The following SLC4A10 variants were observed in gnomAD, a reference collection of about 807,000 sequenced individuals.
The protein encoded by SLC4A10 is solute carrier family 4 member 10, also known as sodium-driven chloride bicarbonate exchanger.
Under a neutral mutation model 137.7 loss-of-function variants are expected in SLC4A10, and 42 were observed. That is an observed-to-expected ratio of 0.30 (90% CI 0.24 to 0.39). The LOEUF is 0.39. Among genes scored for constraint, SLC4A10 ranks in the 10% least tolerant of loss-of-function variants. The pLI is 1.00. For synonymous variants in SLC4A10, 474 were observed against 464.1 expected (o/e 1.02, Z -0.27); for missense variants, 925 against 1,355.0 (o/e 0.68, Z 4.98).
intron 12 of SLC4A10, chr2:161,902,049 C>T (rs572623750): frequency 6.6e-6 from 3 of 456,428 alleles, no homozygotes; most frequent in East Asian, 7.0e-5. Context: ...CCGGTATCTT[C>T]GCTTCTCCAG....
At chr2:161,778,024 C>G (rs141392002) in intron 2 of SLC4A10, among the ~76,000 whole-genome samples, 65 of 152,062 alleles carry the variant, frequency 4.3e-4, no homozygotes, top group Non-Finnish European at 7.8e-4. Flanking sequence ...GTTATATAGA[C>G]AACCTACTTA....
intron 18 of SLC4A10, 57 bp downstream of exon 18, chr2:161,949,318 G>T: frequency 1.8e-6 from 2 of 1,126,796 alleles, no homozygotes; most frequent in Non-Finnish European, 2.7e-6. Flanking sequence ...TCATTTAGAT[G>T]ATACCTATAA....
intron 21 of SLC4A10, 44 bp downstream of exon 21, chr2:161,958,599 C>T (rs781012039): frequency 4.2e-6 from 6 of 1,434,750 alleles, no homozygotes; most frequent in Non-Finnish European, 5.8e-6. Context: ...GATGACTGAC[C>T]TTAAGGTCTA....
At chr2:161,891,356 G>C (rs2062901768) in intron 10 of SLC4A10, among the ~76,000 whole-genome samples, 1 of 152,046 alleles carries the variant, frequency 6.6e-6, no homozygotes, top group Non-Finnish European at 1.5e-5. Context: ...TGCTAGGTTG[G>C]GGAAGTTCTC....
At chr2:161,640,218 G>T (rs902375555) in intron 1 of SLC4A10, among the ~76,000 whole-genome samples, 1 of 152,036 alleles carries the variant, frequency 6.6e-6, no homozygotes, top group African/African-American at 2.4e-5. Context: ...TGGACATTGA[G>T]AACTCATTCT....
intron 4 of SLC4A10, among the ~76,000 whole-genome samples, chr2:161,841,742 A>ACTGGCAGTT (rs2059199005): frequency 6.6e-6 from 1 of 152,238 alleles, no homozygotes; most frequent in South Asian, 2.1e-4. Context: ...AAAGTAAATA[A>ACTGGCAGTT]AACTAATAAC....
chr2:161,919,235 T>G (rs1338106151), intron 15 of SLC4A10, among the ~76,000 whole-genome samples: 1 of 152,112 alleles, frequency 6.6e-6, no homozygotes, highest in Non-Finnish European at 1.5e-5. Context: ...GGTGCAGGCC[T>G]GCTGGCACCC....
intron 1 of SLC4A10, among the ~76,000 whole-genome samples, chr2:161,637,709 A>G (rs560514196): frequency 1.3e-5 from 2 of 152,312 alleles, no homozygotes; most frequent in Admixed American, 1.3e-4. Context: ...GATATTGTCC[A>G]TAATGGCTAT....
At chr2:161,720,471 A>C (rs953384235) in intron 1 of SLC4A10, among the ~76,000 whole-genome samples, 2 of 152,172 alleles carry the variant, frequency 1.3e-5, no homozygotes, top group African/African-American at 4.8e-5. Flanking sequence ...CATTGAATCT[A>C]TAAATTACCT....
chr2:161,750,150 T>G (rs1004791597), intron 1 of SLC4A10, among the ~76,000 whole-genome samples: 3 of 151,658 alleles, frequency 2.0e-5, no homozygotes, highest in Non-Finnish European at 4.4e-5. Context: ...TTTTTCTTAG[T>G]TAGTCTAGCT....
At chr2:161,757,232 T>A (rs2049755370) in intron 1 of SLC4A10, among the ~76,000 whole-genome samples, 1 of 152,172 alleles carries the variant, frequency 6.6e-6, no homozygotes, top group Non-Finnish European at 1.5e-5. Flanking sequence ...GTAACAAAAC[T>A]GCCCATGTAC....
Position 161,927,954 on chromosome 2 carries a change from G to A in SLC4A10, c.1998-14838G>A, listed in dbSNP as rs1305528825. ...GTAAACTAGTTCAACCATTGTGGAA[G>A]TCAGTGTGGCGATTCCTCAGGGATC... is the stretch of plus-strand genomic sequence containing the variant. On this transcript the variant is annotated intron_variant, in intron 15 of 26. Coordinates refer to ENST00000446997, the MANE Select transcript of SLC4A10 (RefSeq NM_001178015.2). 1.3e-4 allele frequency among the ~76,000 whole-genome samples: 19 copies of A among 151,420 alleles called. No individual in the cohort carries two copies. In the South Asian group the frequency reaches 3.8e-3, roughly 30 times the overall value.
chr2:161,870,571 A>G (rs1012016695), intron 6 of SLC4A10, among the ~76,000 whole-genome samples: 2 of 151,902 alleles, frequency 1.3e-5, no homozygotes, highest in African/African-American at 4.8e-5. Context: ...ACTCATTAAA[A>G]TATGGAGAAA....
intron 1 of SLC4A10, among the ~76,000 whole-genome samples, chr2:161,768,248 T>A (rs2051145426): frequency 6.6e-6 from 1 of 152,066 alleles, no homozygotes; most frequent in Admixed American, 6.6e-5. Context: ...GAGACAGATT[T>A]CAGCCAGAAC....
In SLC4A10 at chr2:161,970,824, G is replaced by C. The variant is rs6741707; in HGVS notation, c.3160-3425G>C. Among the ~76,000 whole-genome samples, 643 of 152,200 alleles carry C rather than the reference G, an allele frequency of 4.2e-3. 9 individuals are homozygous for C. The highest frequency in any genetic ancestry group is 0.015 in the African/African-American group (618 of 41,512). On this transcript the variant is annotated intron_variant, in intron 23 of 26. Transcript: ENST00000446997. Reference sequence around the variant, plus strand: ...ACAATTCAAACTCATGATGTAATTCGATATATAACACCCTGTTATCAAACC... The same window carrying C: ...ACAATTCAAACTCATGATGTAATTCCATATATAACACCCTGTTATCAAACC...
At chr2:161,710,889 G>T (rs1301344533) in intron 1 of SLC4A10, 12 of 258,502 alleles carry the variant, frequency 4.6e-5, no homozygotes, top group Non-Finnish European at 7.9e-5. Context: ...CTTTCAAGGA[G>T]ATTAGAAAAT....
chr2:161,846,402 G>A (rs1424963790), intron 4 of SLC4A10, among the ~76,000 whole-genome samples: 1 of 152,128 alleles, frequency 6.6e-6, no homozygotes, highest in Non-Finnish European at 1.5e-5. Context: ...GCCACTTATG[G>A]AAAACAGTTT....
intron 5 of SLC4A10, among the ~76,000 whole-genome samples, chr2:161,856,147 G>C (rs749264992): frequency 2.6e-5 from 4 of 151,934 alleles, no homozygotes; most frequent in Admixed American, 6.6e-5. Flanking sequence ...TTTAAGCCTA[G>C]TGTTTTTTCT....
rs535756574 is a variant in SLC4A10 at position 161,974,702 on chromosome 2, C to T, written c.3227+386C>T. Among the ~76,000 whole-genome samples the T allele has an allele frequency of 8.5e-5, 13 of 152,174 alleles. No homozygotes were observed. In the South Asian group the frequency reaches 1.9e-3, roughly 22 times the overall value. ...AAATGTTTTAACTCTGGGAATTTGC[C>T]GCTAAAAGTGGAATTTCCAATGACA... On this transcript the variant is annotated intron_variant, in intron 24 of 26. Coordinates refer to ENST00000446997, the MANE Select transcript of SLC4A10 (RefSeq NM_001178015.2).
Sources: allele counts gnomAD v4.1 joint callset (sites outside exome capture counted in the v4.1 genomes callset), GRCh38; gene constraint gnomAD v4.1.1; transcripts MANE v1.5; gene names NCBI Gene and HGNC (gene_info 2026-07-23, HGNC 2026-07-21).